The following THEMIS variants were observed in gnomAD, a reference collection of about 807,000 sequenced individuals.
THEMIS encodes thymocyte selection associated.
THEMIS carries 37 observed loss-of-function variants against 52.6 expected under a neutral mutation model. The observed-to-expected ratio is 0.70, with a 90% confidence interval of 0.54 to 0.93. The LOEUF (loss-of-function observed/expected upper bound fraction) is 0.93, where lower values mean the gene tolerates loss of function less well. THEMIS is among the 40% of genes least tolerant of loss of function. The pLI is 0.00. For synonymous variants in THEMIS, 292 were observed against 272.7 expected (o/e 1.07, Z -0.70); for missense variants, 808 against 763.1 (o/e 1.06, Z -0.69).
At chr6:127,778,003 T>A (rs1776621720) in intron 4 of THEMIS, among the ~76,000 whole-genome samples, 1 of 152,152 alleles carries the variant, frequency 6.6e-6, no homozygotes, top group Non-Finnish European at 1.5e-5. Context: ...CCTTGACAAA[T>A]GTACATTGAC....
At chr6:127,816,083 T>C (rs984797182) in intron 3 of THEMIS, among the ~76,000 whole-genome samples, 4 of 152,196 alleles carry the variant, frequency 2.6e-5, no homozygotes, top group Admixed American at 6.5e-5. Flanking sequence ...TGCTAGCCTA[T>C]CTTATTTTAC....
chr6:127,823,634 T>A (rs1409723512), intron 3 of THEMIS, among the ~76,000 whole-genome samples: 1 of 151,992 alleles, frequency 6.6e-6, no homozygotes, highest in Non-Finnish European at 1.5e-5. Flanking sequence ...TAATGAAAAT[T>A]GTGTTTTACT....
intron 1 of THEMIS, among the ~76,000 whole-genome samples, chr6:127,897,453 T>A (rs1781002759): frequency 1.3e-5 from 2 of 151,054 alleles, no homozygotes; most frequent in Non-Finnish European, 3.0e-5. Flanking sequence ...ATAACAAAAA[T>A]GTATAAAATT....
chr6:127,797,854 T>C (rs996923633), intron 4 of THEMIS, among the ~76,000 whole-genome samples: 2 of 152,256 alleles, frequency 1.3e-5, no homozygotes, highest in African/African-American at 4.8e-5. Context: ...TAGCTAATAC[T>C]GCTGGCATCA....
At chr6:127,900,188 T>C (rs1781096257) in intron 1 of THEMIS, among the ~76,000 whole-genome samples, 1 of 151,946 alleles carries the variant, frequency 6.6e-6, no homozygotes, top group Non-Finnish European at 1.5e-5. Flanking sequence ...TTGGAGGTTA[T>C]AATGTTCTTT....
At chr6:127,698,802 G>A in the THEMIS span, among the ~76,000 whole-genome samples, 42 of 151,486 alleles carry the variant, frequency 2.8e-4, no homozygotes, top group Admixed American at 6.6e-4. Flanking sequence ...ATTTGGAAAT[G>A]TATTTCTTCA....
At chr6:127,761,641 G>A (rs994851281) in intron 4 of THEMIS, among the ~76,000 whole-genome samples, 1 of 152,084 alleles carries the variant, frequency 6.6e-6, no homozygotes, top group African/African-American at 2.4e-5. Flanking sequence ...CTATAGAAAG[G>A]ACCTATAAAA....
chr6:127,848,952 G>T (rs1779321632), intron 2 of THEMIS, among the ~76,000 whole-genome samples: 1 of 151,620 alleles, frequency 6.6e-6, no homozygotes, highest in African/African-American at 2.4e-5. Flanking sequence ...TGTCAATTTT[G>T]GCTTTTGTTG....
At chr6:127,856,787 C>T (rs1779633136) in intron 1 of THEMIS, among the ~76,000 whole-genome samples, 1 of 151,874 alleles carries the variant, frequency 6.6e-6, no homozygotes, top group Non-Finnish European at 1.5e-5. Flanking sequence ...GGCTCAAGTC[C>T]TTTGTGGAAC....
At chr6:127,750,246 G>T (rs763705088) in intron 4 of THEMIS, among the ~76,000 whole-genome samples, 3 of 151,350 alleles carry the variant, frequency 2.0e-5, no homozygotes, top group Non-Finnish European at 3.0e-5. Flanking sequence ...GCTGAGAAAA[G>T]ATATTTTCCC....
intron 1 of THEMIS, among the ~76,000 whole-genome samples, chr6:127,867,706 C>T (rs1426314711): frequency 6.6e-6 from 1 of 152,082 alleles, no homozygotes; most frequent in Non-Finnish European, 1.5e-5. Flanking sequence ...AGTTAGCGAA[C>T]AGCTAACAGT....
In THEMIS at chr6:127,855,042, T is replaced by C. The variant is rs767362456; in HGVS notation, c.238A>G (p.Met80Val). 286 of 1,604,902 alleles carry C rather than the reference T, an allele frequency of 1.8e-4. No homozygotes were observed. Among genetic ancestry groups the C allele is most frequent in the Non-Finnish European group, 2.4e-4 (280 of 1,176,528 alleles). ...CAATGTGCTGTACCTGGAAAATTCA[T>C]AGGCAGTTCAAATGGCTGTAGAGAC... ...CESLQPFELP[M>V]NFPGLFKIVA... Residue 80 changes from methionine to valine, a missense_variant, in exon 2 of 6, where the codon ATG (methionine) becomes GTG (valine). Met to Val is a conservative substitution (Grantham distance 21). Transcript: ENST00000368248.
intron 4 of THEMIS, among the ~76,000 whole-genome samples, chr6:127,761,541 A>G (rs1157117599): frequency 2.0e-5 from 3 of 152,176 alleles, no homozygotes; most frequent in Non-Finnish European, 2.9e-5. Context: ...TAAACTGCAT[A>G]TCTTCCATGC....
intron 5 of THEMIS, among the ~76,000 whole-genome samples, chr6:127,713,309 T>C (rs776750377): frequency 1.3e-5 from 2 of 151,916 alleles, no homozygotes; most frequent in Admixed American, 6.6e-5. Flanking sequence ...AGATGAGTCT[T>C]CTATGTGTAC....
intron 4 of THEMIS, among the ~76,000 whole-genome samples, chr6:127,803,105 G>T (rs921677803): frequency 6.6e-6 from 1 of 152,042 alleles, no homozygotes; most frequent in Non-Finnish European, 1.5e-5. Context: ...ATTCACAGAG[G>T]CAGGCATCCT....
intron 4 of THEMIS, among the ~76,000 whole-genome samples, chr6:127,748,663 C>A (rs1467212702): frequency 6.6e-6 from 1 of 151,926 alleles, no homozygotes; most frequent in Admixed American, 6.6e-5. Flanking sequence ...GATCTGATAG[C>A]CAAATGGAGG....
chr6:127,726,933 G>C (rs918743667), intron 4 of THEMIS, among the ~76,000 whole-genome samples: 1 of 152,172 alleles, frequency 6.6e-6, no homozygotes, highest in African/African-American at 2.4e-5. Flanking sequence ...GGTCTGAATA[G>C]ACAGCTAATC....
At chr6:127,856,995 G>A (rs1217884025) in intron 1 of THEMIS, among the ~76,000 whole-genome samples, 1 of 151,552 alleles carries the variant, frequency 6.6e-6, no homozygotes, top group Non-Finnish European at 1.5e-5. Flanking sequence ...TAAACTTCAT[G>A]AGAAGAAATA....
At chr6:127,843,101 G>T (rs7773220) in intron 2 of THEMIS, among the ~76,000 whole-genome samples, 28,017 of 151,790 alleles carry the variant, frequency 0.18, 2,912 homozygotes, top group South Asian at 0.39. Context: ...ACATATGAAA[G>T]AAATTTTCTA....
Sources: gnomAD v4.1 joint callset for allele counts (sites outside exome capture counted in the v4.1 genomes callset) on GRCh38, gnomAD v4.1.1 for gene constraint, MANE v1.5 for transcripts, NCBI Gene and HGNC (gene_info 2026-07-23, HGNC 2026-07-21) for gene names.